The following HNRNPH3 variants were observed in gnomAD, a reference collection of about 807,000 sequenced individuals.
HNRNPH3 encodes heterogeneous nuclear ribonucleoprotein H3, also known as heterogeneous nuclear ribonucleoprotein 2H9.
A neutral mutation model predicts 47.0 loss-of-function variants in HNRNPH3; 7 were observed. The observed-to-expected ratio is 0.15, with a 90% CI of 0.08 to 0.28. The LOEUF (loss-of-function observed/expected upper bound fraction) is 0.28. Ranked by LOEUF, HNRNPH3 falls within the 10% of genes least tolerant of loss-of-function variation. HNRNPH3 has a pLI of 1.00. For missense variants in HNRNPH3, 279 were observed against 449.6 expected, an observed-to-expected ratio of 0.62 and a Z score of 3.43; for synonymous variants, 120 against 143.2, an observed-to-expected ratio of 0.84 and a Z score of 1.16.
In HNRNPH3 at chr10:68,341,852, G is replaced by GT; in HGVS notation, c.964+2dup. On this transcript the variant is annotated splice_donor_variant, in intron 9 of 9. Coordinates refer to ENST00000265866, the MANE Select transcript of HNRNPH3 (RefSeq NM_012207.3). LOFTEE classifies it high-confidence loss of function. The stretch of plus-strand genomic sequence containing the variant: ...ACTCCTGATGGTTTGGGTGGTTATG[G>GT]TAAGTATCTCTAGTTCAGTTTGTGT... 6.2e-7 allele frequency: 1 copy of GT among 1,608,282 alleles called. No individual in the cohort carries two copies. Among genetic ancestry groups the GT allele is most frequent in the Non-Finnish European group, 8.5e-7 (1 of 1,175,594 alleles).
At position 68,339,241 on chromosome 10, in the gene HNRNPH3, A is replaced by C; in HGVS notation, c.523+15A>C. The C allele has an allele frequency of 1.9e-6, 3 of 1,574,604 alleles. No individual in the cohort carries two copies. The highest frequency in any genetic ancestry group is 1.7e-6 in the Non-Finnish European group (2 of 1,146,716). ...AGATGGAAGAGGTAAAATAAATATT[A>C]AAGACATTTTTATTCATAGGTAAAT... On this transcript the variant is annotated intron_variant, in intron 5 of 9. Transcript: ENST00000265866.
intron 1 of HNRNPH3, among the ~76,000 whole-genome samples, chr10:68,333,715 A>C (rs1368687741): frequency 2.0e-5 from 3 of 152,202 alleles, no homozygotes; most frequent in African/African-American, 4.8e-5. Context: ...AAAAGGGAGG[A>C]GAAAGGCCTG....
intron 1 of HNRNPH3, among the ~76,000 whole-genome samples, chr10:68,334,400 T>C (rs931418604): frequency 6.6e-6 from 1 of 152,242 alleles, no homozygotes; most frequent in South Asian, 2.1e-4. Context: ...TTAGTGGATT[T>C]TTTTTCTTTA....
upstream of HNRNPH3, chr10:68,331,814 G>A (rs2045108842): frequency 6.6e-6 from 1 of 152,378 alleles, no homozygotes; most frequent in South Asian, 2.1e-4. Flanking sequence ...AGAATGGTAC[G>A]CTCTGAAAAC....
chr10:68,332,770 C>T (rs1320870351), intron 1 of HNRNPH3: 2 of 152,306 alleles, frequency 1.3e-5, no homozygotes, highest in Non-Finnish European at 2.9e-5. Flanking sequence ...CCTCCGCAGT[C>T]TCGGCAGGGC....
chr10:68,334,719 A>T (rs1265496752), intron 1 of HNRNPH3, among the ~76,000 whole-genome samples: 2 of 152,222 alleles, frequency 1.3e-5, no homozygotes, highest in African/African-American at 4.8e-5. Flanking sequence ...AAACTTGACC[A>T]AAGCTATCCT....
intron 6 of HNRNPH3, among the ~76,000 whole-genome samples, chr10:68,340,511 A>G (rs554014335): frequency 6.6e-6 from 1 of 152,302 alleles, no homozygotes; most frequent in South Asian, 2.1e-4. Flanking sequence ...CCATGGGCTA[A>G]ATCCGGTCAC....
At chr10:68,338,785 T>A in intron 4 of HNRNPH3, 98 bp downstream of exon 4, 3 of 1,016,906 alleles carry the variant, frequency 3.0e-6, no homozygotes, top group Non-Finnish European at 4.2e-6. Flanking sequence ...TCAGTACCTA[T>A]TAGGTTTTAA....
intron 1 of HNRNPH3, among the ~76,000 whole-genome samples, chr10:68,332,618 G>A (rs1200881253): frequency 6.6e-6 from 1 of 152,184 alleles, no homozygotes; most frequent in Non-Finnish European, 1.5e-5. Flanking sequence ...GGTGGTCAAA[G>A]CTCCCTGGAA....
In HNRNPH3 at chr10:68,332,099, A is replaced by G. The variant is rs1428360626; in HGVS notation, c.-141A>G. ...CTGCGCAGCTCCCTAAGCGGTTGTC[A>G]CCGCTGGAGACGGTTGGGAGAACCG... is the stretch of plus-strand genomic sequence containing the variant. On this transcript the variant is annotated 5_prime_UTR_variant, in exon 1 of 10. Coordinates refer to ENST00000265866, the MANE Select transcript of HNRNPH3 (RefSeq NM_012207.3). 1.3e-5 allele frequency: 2 copies of G among 152,196 alleles called. No homozygotes were observed. The highest frequency in any genetic ancestry group is 2.9e-5 in the Non-Finnish European group (2 of 68,080). The allele number at this position is 152,196 out of a possible 1,614,324, so 9.4% of individuals were successfully genotyped here.
chr10:68,341,741 TC>T lies in HNRNPH3; in HGVS notation c.872-17del, dbSNP rs1483425858. 1 of 1,588,594 alleles carries T rather than the reference TC, an allele frequency of 6.3e-7. No individual in the cohort carries two copies. The highest frequency in any genetic ancestry group is 8.5e-7 in the Non-Finnish European group (1 of 1,169,632). ...CTTATCGATGAGTCTCAATTTTTTT[TC>T]TTTTTTCTTTTTAAAGATAATCAGG... On this transcript the variant is annotated splice_polypyrimidine_tract_variant and intron_variant, in intron 8 of 9. Transcript: ENST00000265866.
intron 1 of HNRNPH3, among the ~76,000 whole-genome samples, chr10:68,335,548 A>T (rs939092704): frequency 6.6e-6 from 1 of 152,104 alleles, no homozygotes; most frequent in African/African-American, 2.4e-5. Flanking sequence ...TTAAACTTAT[A>T]AAAGCCTTTG....
chr10:68,333,192 G>A (rs185929437), intron 1 of HNRNPH3: 1 of 142,996 alleles, frequency 7.0e-6, no homozygotes, highest in East Asian at 2.2e-4. Context: ...AGAAAAGTGG[G>A]TGATTTATCA....
chr10:68,333,424 G>A (rs1222954349), intron 1 of HNRNPH3, among the ~76,000 whole-genome samples: 1 of 147,746 alleles, frequency 6.8e-6, no homozygotes, highest in African/African-American at 2.5e-5. Flanking sequence ...AGCTTTCGAT[G>A]TTAAATCTTC....
At chr10:68,341,456 C>A in intron 7 of HNRNPH3, 129 bp from the exon 8 acceptor site, 3 of 996,934 alleles carry the variant, frequency 3.0e-6, no homozygotes, top group South Asian at 3.0e-5. Context: ...CTTTATATAT[C>A]GCTGTACTAG....
At position 68,338,732 on chromosome 10, in the gene HNRNPH3, T is replaced by G. The variant is rs1028640877; in HGVS notation, c.436+45T>G. 2.1e-6 allele frequency: 3 copies of G among 1,428,396 alleles called. No individual in the cohort carries two copies. The African/African-American group carries it at 4.3e-5, about 21-fold the overall frequency. The allele number at this position is 1,428,396 out of a possible 1,614,324, so 88.5% of individuals were successfully genotyped here. ...AAAGGTTCTGTTGTCATTTTCTTAA[T>G]GTTCCTGACACTTTGTCAAGAAATA... On this transcript the variant is annotated intron_variant, in intron 4 of 9. Coordinates refer to ENST00000265866, the MANE Select transcript of HNRNPH3 (RefSeq NM_012207.3).
rs2045917651 is a variant in HNRNPH3, at chr10:68,341,316, G to A, written c.775+7G>A. 2 of 1,597,440 alleles carry A rather than the reference G, an allele frequency of 1.3e-6. No homozygotes were observed. The highest frequency in any genetic ancestry group is 4.5e-5 in the East Asian group (2 of 44,734). On this transcript the variant is annotated splice_region_variant and intron_variant, in intron 7 of 9. Coordinates refer to ENST00000265866, the MANE Select transcript of HNRNPH3 (RefSeq NM_012207.3). ...AAAGATAAAAATAACATGCGTAAGT[G>A]GTGTCTTTGGCACACAATCTTATTT...
In HNRNPH3 at chr10:68,334,969, A is replaced by G. The variant is rs188025791; in HGVS notation, c.-23-2230A>G. On this transcript the variant is annotated intron_variant, in intron 1 of 9. Coordinates refer to ENST00000265866, the MANE Select transcript of HNRNPH3 (RefSeq NM_012207.3). ...TTTTTAGTTTTGAAGGGGTTGGTAG[A>G]GTGAGGCTGTTTTTATTGTATGTGC... is the stretch of plus-strand genomic sequence containing the variant. 2.9e-3 allele frequency among the ~76,000 whole-genome samples: 441 copies of G among 152,266 alleles called. 3 individuals carry two copies. The highest frequency in any genetic ancestry group is 9.7e-3 in the African/African-American group (403 of 41,566).
intron 6 of HNRNPH3, among the ~76,000 whole-genome samples, chr10:68,340,379 C>T (rs912401919): frequency 2.0e-5 from 3 of 152,096 alleles, no homozygotes; most frequent in Non-Finnish European, 2.9e-5. Context: ...TTTGGTTTGG[C>T]TTTCTAGGCT....
Sources: gnomAD v4.1 joint callset for allele counts (sites outside exome capture counted in the v4.1 genomes callset) on GRCh38, gnomAD v4.1.1 for gene constraint, MANE v1.5 for transcripts, NCBI Gene and HGNC (gene_info 2026-07-23, HGNC 2026-07-21) for gene names.